The following KCNMA1 variants were observed in gnomAD, a reference collection of about 807,000 sequenced individuals.
KCNMA1 encodes the protein Calcium-activated potassium channel subunit alpha-1.
In KCNMA1, 29 loss-of-function variants were observed where a neutral mutation model predicts 140.0. That is an observed-to-expected ratio of 0.21 (90% confidence interval 0.15 to 0.28). The LOEUF is 0.28. KCNMA1 is among the 10% of genes least tolerant of loss of function. The pLI is 1.00. For missense variants in KCNMA1, 880 were observed against 1,602.2 expected (o/e 0.55, Z 7.70); for synonymous variants, 612 against 611.9 (o/e 1.00, Z 0.00).
At chr10:77,514,911 T>C (rs898675451) in intron 1 of KCNMA1, among the ~76,000 whole-genome samples, 1 of 152,162 alleles carries the variant, frequency 6.6e-6, no homozygotes. Flanking sequence ...TTTTTTTGTT[T>C]TTTTTCCAGT....
Position 77,637,461 on chromosome 10 carries a change from A to G in KCNMA1, c.182T>C (p.Val61Ala), listed in dbSNP as rs200420124. The change falls in exon 1 of 28, where the codon GTC becomes GCC. Residue 61 changes from valine to alanine, a missense_variant. This residue lies in a region of KCNMA1 where 94 missense variants were observed against 92.4 expected (regional missense o/e 1.02). Coordinates refer to ENST00000286628, the MANE Select transcript of KCNMA1 (RefSeq NM_001161352.2). Reference sequence around the variant, plus strand: ...GAGCGCATCCATCTTGGGCTCGTGGACCGAGGACGAGGAGGAAGAGGAGGA... The same window carrying G: ...GAGCGCATCCATCTTGGGCTCGTGGGCCGAGGACGAGGAGGAAGAGGAGGA... ...SSSSSSSSSSVHEPKMDALII... is the reference protein window; with the variant it reads ...SSSSSSSSSSAHEPKMDALII... The G allele has an allele frequency of 6.0e-5, 96 of 1,612,228 alleles. No homozygotes were observed. Among genetic ancestry groups the G allele is most frequent in the Admixed American group, 2.5e-4 (15 of 59,860 alleles).
At chr10:76,905,082 T>C (rs979175322) in intron 25 of KCNMA1, 2 of 152,228 alleles carry the variant, frequency 1.3e-5, no homozygotes, top group African/African-American at 4.8e-5. Context: ...TAAAATCTTA[T>C]TTTAAAATAT....
At chr10:77,153,232 A>G (rs1028209986) in intron 5 of KCNMA1, among the ~76,000 whole-genome samples, 3 of 152,214 alleles carry the variant, frequency 2.0e-5, no homozygotes, top group Non-Finnish European at 4.4e-5. Context: ...CATGAAGCAC[A>G]TTTTGGGAAA....
At chr10:77,500,764 G>C (rs1387230060) in intron 1 of KCNMA1, among the ~76,000 whole-genome samples, 1 of 152,178 alleles carries the variant, frequency 6.6e-6, no homozygotes, top group African/African-American at 2.4e-5. Context: ...CATATATTAA[G>C]TTGTCCAAAA....
intron 1 of KCNMA1, among the ~76,000 whole-genome samples, chr10:77,595,173 C>T (rs1177183702): frequency 6.6e-6 from 1 of 151,976 alleles, no homozygotes; most frequent in East Asian, 1.9e-4. Context: ...TAGTGAAACC[C>T]CATCTCTACT....
At chr10:77,419,479 A>G (rs1014029521) in intron 1 of KCNMA1, among the ~76,000 whole-genome samples, 1 of 152,208 alleles carries the variant, frequency 6.6e-6, no homozygotes, top group South Asian at 2.1e-4. Context: ...TTTTCTTACT[A>G]GAAGCTAGGC....
chr10:77,403,888 C>A lies in KCNMA1; in HGVS notation c.514G>T (p.Ala172Ser). 1 of 1,613,956 alleles carries A rather than the reference C, an allele frequency of 6.2e-7. No individual in the cohort carries two copies. Among genetic ancestry groups the A allele is most frequent in the Non-Finnish European group, 8.5e-7 (1 of 1,180,002 alleles). The change falls in exon 2 of 28, where the codon GCC (alanine) becomes TCC (serine). Residue 172 changes from alanine (A) to serine (S), a missense_variant. This residue lies in a region of KCNMA1 where 198 missense variants were observed against 580.1 expected (regional missense o/e 0.34). Transcript: ENST00000286628. Reference protein sequence around the residue: ...VKDWAGVMISAQTLTGRVLVV... With the variant: ...VKDWAGVMISSQTLTGRVLVV... ...AGGACTCTGCCAGTCAGTGTCTGGG[C>A]GGATATCATCACCCCCGCCCAGTCC...
intron 14 of KCNMA1, among the ~76,000 whole-genome samples, chr10:77,066,425 G>A (rs2095952203): frequency 6.6e-6 from 1 of 152,170 alleles, no homozygotes; most frequent in South Asian, 2.1e-4. Context: ...TCAGCCATGG[G>A]AAGGATGGCA....
chr10:77,294,493 CA>C (rs1199012989), intron 2 of KCNMA1, among the ~76,000 whole-genome samples: 2 of 152,236 alleles, frequency 1.3e-5, no homozygotes, highest in Non-Finnish European at 2.9e-5. Flanking sequence ...ATTTAAGGTG[CA>C]CATAACCTGG....
Position 77,027,823 on chromosome 10 carries a change from C to T in KCNMA1, c.1928G>A (p.Arg643His), listed in dbSNP as rs2093602876. 1 of 1,613,704 alleles carries T rather than the reference C, an allele frequency of 6.2e-7. No homozygotes were observed. Among genetic ancestry groups the T allele is most frequent in the Non-Finnish European group, 8.5e-7 (1 of 1,179,700 alleles). ...GGCTGCTGGGTCACCGCAAACTTAC[C>T]GGCTCTCTCGGTTGGCAGACTTGTA... ...IEYKSANRES[R>H]ILINPGNHLK... is the part of the protein sequence containing the mutation. Residue 643 changes from arginine (R) to histidine (H), a missense_variant and splice_region_variant, in exon 16 of 28, where the codon CGT (arginine) becomes CAT (histidine). Arg to His is a conservative substitution (Grantham distance 29). This residue lies in a region of KCNMA1 where 196 missense variants were observed against 233.0 expected (regional missense o/e 0.84). Coordinates refer to ENST00000286628, the MANE Select transcript of KCNMA1 (RefSeq NM_001161352.2).
chr10:77,126,725 ACCC>A (rs67566528), intron 5 of KCNMA1, among the ~76,000 whole-genome samples: 4 of 123,740 alleles, frequency 3.2e-5, no homozygotes, highest in East Asian at 5.0e-4. Flanking sequence ...CCACCCCCCC[ACCC>A]CCCCCCCACC....
At chr10:77,170,028 T>C (rs978090570) in intron 5 of KCNMA1, among the ~76,000 whole-genome samples, 3 of 151,962 alleles carry the variant, frequency 2.0e-5, no homozygotes, top group African/African-American at 7.2e-5. Flanking sequence ...CCATCTCTAC[T>C]AAAAATACAA....
intron 5 of KCNMA1, among the ~76,000 whole-genome samples, chr10:77,156,795 C>T (rs1042168826): frequency 2.0e-5 from 3 of 152,162 alleles, no homozygotes; most frequent in East Asian, 1.9e-4. Context: ...ACTGACCCCA[C>T]CTGGACCCAA....
chr10:77,069,875 G>A (rs1215333303), intron 14 of KCNMA1, among the ~76,000 whole-genome samples: 1 of 152,114 alleles, frequency 6.6e-6, no homozygotes, highest in Non-Finnish European at 1.5e-5. Context: ...GAGTGCAATG[G>A]CATGATCTTG....
chr10:77,377,885 A>C (rs2095228296), intron 2 of KCNMA1, among the ~76,000 whole-genome samples: 1 of 152,210 alleles, frequency 6.6e-6, no homozygotes, highest in Non-Finnish European at 1.5e-5. Flanking sequence ...TGAGAGTTCA[A>C]GGTGAGGCCA....
intron 24 of KCNMA1, chr10:76,910,357 T>C (rs976467920): frequency 4.4e-6 from 2 of 451,980 alleles, no homozygotes; most frequent in Admixed American, 3.1e-5. Flanking sequence ...GGAGGACCAA[T>C]AGACTGTGCT....
chr10:76,899,504 T>C (rs917696985), intron 25 of KCNMA1, among the ~76,000 whole-genome samples: 1 of 152,172 alleles, frequency 6.6e-6, no homozygotes, highest in Non-Finnish European at 1.5e-5. Flanking sequence ...ATTACTTTTT[T>C]AAAATAAGGT....
chr10:76,901,629 A>C (rs1284867236), intron 25 of KCNMA1: 1 of 152,252 alleles, frequency 6.6e-6, no homozygotes, highest in Non-Finnish European at 1.5e-5. Flanking sequence ...TGTGAAAGTC[A>C]AAGAGTGCAT....
intron 19 of KCNMA1, 82 bp downstream of exon 19, chr10:77,001,325 G>C: frequency 2.2e-6 from 3 of 1,335,952 alleles, no homozygotes; most frequent in Non-Finnish European, 3.2e-6. Flanking sequence ...GACTGACTCA[G>C]AACCACAGGG....
Sources: gnomAD v4.1 joint callset for allele counts (sites outside exome capture counted in the v4.1 genomes callset) on GRCh38, gnomAD v4.1.1 for gene constraint, gnomAD v4.1.1 regional missense constraint, MANE v1.5 for transcripts, NCBI Gene and HGNC (gene_info 2026-07-23, HGNC 2026-07-21) for gene names.